The following AACS variants were observed in gnomAD, a reference collection of about 807,000 sequenced individuals.
AACS encodes acetoacetate-CoA ligase.
AACS carries 69 observed loss-of-function variants against 83.1 expected under a neutral mutation model. The observed-to-expected ratio is 0.83, with a 90% CI of 0.68 to 1.01. The LOEUF is 1.01. Among genes scored for constraint, AACS ranks in the 50% least tolerant of loss-of-function variants. The pLI is 0.00. For missense variants in AACS, 866 were observed against 882.2 expected, an observed-to-expected ratio of 0.98 and a Z score of 0.23; for synonymous variants, 333 against 343.4, an observed-to-expected ratio of 0.97 and a Z score of 0.33.
At chr12:125,134,676 G>T in intron 15 of AACS, 118 bp from the exon 16 acceptor site, 1 of 1,105,904 alleles carries the variant, frequency 9.0e-7, no homozygotes. Flanking sequence ...CGGAGTGTCC[G>T]TGACTAGTCC....
intron 2 of AACS, among the ~76,000 whole-genome samples, chr12:125,075,579 A>G (rs1420928332): frequency 2.7e-5 from 4 of 146,542 alleles, no homozygotes; most frequent in Middle Eastern, 3.8e-3. Context: ...GGCGTGAGCC[A>G]CTGTGCCCAG....
At chr12:125,124,388 C>G in intron 10 of AACS, 1 of 303,928 alleles carries the variant, frequency 3.3e-6, no homozygotes, top group South Asian at 8.0e-5. Context: ...TTATGGCCTC[C>G]TTTGGTCCCC....
chr12:125,088,911 C>T (rs1264169800), intron 4 of AACS, among the ~76,000 whole-genome samples: 1 of 152,172 alleles, frequency 6.6e-6, no homozygotes. Flanking sequence ...TTCCAGAAAA[C>T]ACTAGAAAAT....
rs1442115156 is a variant in AACS, at chr12:125,076,489, A to G, written c.238-2A>G. ...GTCTTGGTTTGTTGTCATTCTCTAT[A>G]GGTTGTGGACACATCGAAAGGAATC... On this transcript the variant is annotated splice_acceptor_variant, in intron 2 of 17. Coordinates refer to ENST00000316519, the MANE Select transcript of AACS (RefSeq NM_023928.5). LOFTEE classifies it high-confidence loss of function. 6.2e-7 allele frequency: 1 copy of G among 1,613,770 alleles called. No individual in the cohort carries two copies. Among genetic ancestry groups the G allele is most frequent in the Non-Finnish European group, 8.5e-7 (1 of 1,179,860 alleles).
intron 10 of AACS, among the ~76,000 whole-genome samples, chr12:125,119,389 C>A (rs2136118218): frequency 6.6e-6 from 1 of 152,282 alleles, no homozygotes; most frequent in Admixed American, 6.5e-5. Context: ...TCTGCAGATT[C>A]AGGAGTGAGA....
intron 9 of AACS, among the ~76,000 whole-genome samples, chr12:125,116,462 A>G (rs1592990665): frequency 6.6e-6 from 1 of 151,646 alleles, no homozygotes; most frequent in African/African-American, 2.4e-5. Flanking sequence ...TTTTTATTTT[A>G]TTTTATTGTT....
intron 1 of AACS, among the ~76,000 whole-genome samples, chr12:125,072,467 G>A (rs1393626046): frequency 3.9e-5 from 6 of 152,164 alleles, no homozygotes; most frequent in Non-Finnish European, 7.3e-5. Flanking sequence ...TCAGCTCAGC[G>A]GTTGTATTAT....
intron 3 of AACS, 110 bp from the exon 4 acceptor site, chr12:125,086,220 G>A (rs560861566): frequency 3.4e-6 from 3 of 878,138 alleles, no homozygotes; most frequent in South Asian, 3.2e-5. Context: ...TTCCCTGGGT[G>A]TAGATTAATA....
At chr12:125,070,426 G>A (rs1015604787) in intron 1 of AACS, among the ~76,000 whole-genome samples, 6 of 152,180 alleles carry the variant, frequency 3.9e-5, no homozygotes, top group African/African-American at 1.2e-4. Flanking sequence ...TTGAGTCCAG[G>A]AGTTAGAGGC....
In AACS at chr12:125,136,618, G is replaced by A. The variant is rs1003942006; in HGVS notation, c.1679-44G>A. On this transcript the variant is annotated intron_variant, in intron 16 of 17. Transcript: ENST00000316519. ...TTGCTGTGAGGCCCGACCCCACACTGAGGGGCCCCCTGCGTGAATGTGCAC... is the reference window on the plus strand; with the variant it reads ...TTGCTGTGAGGCCCGACCCCACACTAAGGGGCCCCCTGCGTGAATGTGCAC... 8 of 1,582,910 alleles carry A rather than the reference G, an allele frequency of 5.1e-6. No homozygotes were observed. In the African/African-American group the frequency reaches 8.1e-5, roughly 16 times the overall value.
Position 125,065,730 on chromosome 12 carries a change from C to T in AACS, c.133+13C>T. The T allele has an allele frequency of 2.0e-6, 3 of 1,521,286 alleles. No individual in the cohort carries two copies. In the South Asian group the frequency reaches 3.7e-5, roughly 19 times the overall value. 94.2% of individuals were successfully genotyped at this position (1,521,286 alleles called of 1,614,324 possible). On this transcript the variant is annotated intron_variant, in intron 1 of 17. Transcript: ENST00000316519. ...GGCCTGGCGCTGGGTGAGAGTCGGG[C>T]GCGCGGCCGGGCCTGCGGGGGATGG... is the stretch of plus-strand genomic sequence containing the variant.
chr12:125,117,132 C>T (rs1023559124), intron 9 of AACS, among the ~76,000 whole-genome samples: 1 of 151,912 alleles, frequency 6.6e-6, no homozygotes, highest in Admixed American at 6.6e-5. Flanking sequence ...TTTTTGGAGT[C>T]CAGGCACGGT....
At position 125,065,678 on chromosome 12, in the gene AACS, T is replaced by C. The variant is rs773428957; in HGVS notation, c.94T>C (p.Phe32Leu). ...TAAGAAGAACACGCAGATGGACCGC[T>C]TCCGGGCGGCTGTGGGCGCCGCCTG... ...DSKKNTQMDR[F>L]RAAVGAACGL... Residue 32 changes from phenylalanine (F) to leucine (L), a missense_variant, in exon 1 of 18, where the codon TTC (phenylalanine) becomes CTC (leucine). Transcript: ENST00000316519. 1 of 1,545,062 alleles carries C rather than the reference T, an allele frequency of 6.5e-7. No homozygotes were observed. The highest frequency in any genetic ancestry group is 8.7e-7 in the Non-Finnish European group (1 of 1,144,426).
At chr12:125,092,553 C>T (rs765080984) in intron 5 of AACS, 2 of 152,286 alleles carry the variant, frequency 1.3e-5, no homozygotes, top group African/African-American at 2.4e-5. Context: ...TGCATCAGGC[C>T]GCAGCACCAG....
Position 125,113,315 on chromosome 12 carries a change from G to T in AACS, c.916-1162G>T, listed in dbSNP as rs1956989807. On this transcript the variant is annotated intron_variant, in intron 8 of 17. Coordinates refer to ENST00000316519, the MANE Select transcript of AACS (RefSeq NM_023928.5). This position sits in a 1 kb window ranked among gnomAD's most constrained non-coding sequence, Gnocchi z 4.8. ...AGCCTTCTAGGCCCTCCACAACCAGGAGCACCTTTGTGATGAGCCAGAGGC... is the reference window on the plus strand; with the variant it reads ...AGCCTTCTAGGCCCTCCACAACCAGTAGCACCTTTGTGATGAGCCAGAGGC... 6.6e-6 allele frequency among the ~76,000 whole-genome samples: 1 copy of T among 152,224 alleles called. No individual in the cohort carries two copies. Among genetic ancestry groups the T allele is most frequent in the Admixed American group, 6.5e-5 (1 of 15,292 alleles).
At chr12:125,098,163 C>T (rs776637975) in intron 5 of AACS, among the ~76,000 whole-genome samples, 2 of 152,278 alleles carry the variant, frequency 1.3e-5, no homozygotes, top group Non-Finnish European at 2.9e-5. Flanking sequence ...GGCTGGGTAG[C>T]TTACACCTGT....
In AACS at chr12:125,091,418, C is replaced by T; in HGVS notation, c.473-8C>T. 6.2e-7 allele frequency: 1 copy of T among 1,614,050 alleles called. No homozygotes were observed. The highest frequency in any genetic ancestry group is 8.5e-7 in the Non-Finnish European group (1 of 1,179,896). The stretch of plus-strand genomic sequence containing the variant: ...AACCCAAGGCTTCTTCCTATGTTTT[C>T]TCCACAGGTTATTTACCCAACAGTG... On this transcript the variant is annotated splice_polypyrimidine_tract_variant and splice_region_variant and intron_variant, in intron 4 of 17. Coordinates refer to ENST00000316519, the MANE Select transcript of AACS (RefSeq NM_023928.5).
At chr12:125,069,732 A>G (rs577738843) in intron 1 of AACS, among the ~76,000 whole-genome samples, 2 of 152,344 alleles carry the variant, frequency 1.3e-5, no homozygotes, top group Admixed American at 6.5e-5. Context: ...GTGTACCACA[A>G]GCTGCACGTC....
At position 125,076,479 on chromosome 12, in the gene AACS, C is replaced by T. The variant is rs1369138082; in HGVS notation, c.238-12C>T. 5 of 1,613,008 alleles carry T rather than the reference C, an allele frequency of 3.1e-6. No homozygotes were observed. Among genetic ancestry groups the T allele is most frequent in the Non-Finnish European group, 4.2e-6 (5 of 1,179,324 alleles). ...ATGTGTGTGCGTCTTGGTTTGTTGTCATTCTCTATAGGTTGTGGACACATC... is the reference window on the plus strand; with the variant it reads ...ATGTGTGTGCGTCTTGGTTTGTTGTTATTCTCTATAGGTTGTGGACACATC... On this transcript the variant is annotated splice_polypyrimidine_tract_variant and intron_variant, in intron 2 of 17. Coordinates refer to ENST00000316519, the MANE Select transcript of AACS (RefSeq NM_023928.5).
Sources: allele counts gnomAD v4.1 joint callset (sites outside exome capture counted in the v4.1 genomes callset), GRCh38; gene constraint gnomAD v4.1.1; non-coding constraint Gnocchi (gnomAD v3.1); transcripts MANE v1.5; gene names NCBI Gene and HGNC (gene_info 2026-07-23, HGNC 2026-07-21).